The following AMN1 variants were observed in gnomAD, a reference collection of about 807,000 sequenced individuals.
AMN1 encodes the protein antagonist of mitotic exit network 1 homolog, also known as protein AMN1 homolog.
In AMN1, 20 loss-of-function variants were observed where a neutral mutation model predicts 33.0. That is an observed-to-expected ratio of 0.61 (90% confidence interval 0.43 to 0.88). AMN1 has a LOEUF of 0.88. Among genes scored for constraint, AMN1 ranks in the 40% least tolerant of loss-of-function variants. The pLI, the probability that AMN1 is intolerant of heterozygous loss-of-function variation, is 0.00. For missense variants in AMN1, 246 were observed against 307.4 expected, an observed-to-expected ratio of 0.80 and a Z score of 1.49; for synonymous variants, 114 against 111.9, an observed-to-expected ratio of 1.02 and a Z score of -0.12.
rs374703233 is a variant in AMN1 at position 31,716,079 on chromosome 12, TTC to T, written c.39-6656_39-6655del. 4.9e-4 allele frequency among the ~76,000 whole-genome samples: 74 copies of T among 152,368 alleles called. 1 individual carries two copies. In the East Asian group the frequency reaches 0.013, roughly 27 times the overall value. ...TTCATGTTTTTCACTTTAGAGACTA[TTC>T]TGTTTGATTTCAGTATTGCTCCATC... is the stretch of plus-strand genomic sequence containing the variant. On this transcript the variant is annotated intron_variant, in intron 1 of 6. Transcript: ENST00000281471.
At chr12:31,684,765 C>G (rs1365629445) in intron 6 of AMN1, among the ~76,000 whole-genome samples, 1 of 152,114 alleles carries the variant, frequency 6.6e-6, no homozygotes, top group African/African-American at 2.4e-5. Flanking sequence ...GCCACCGCGC[C>G]CGGCCTGGGA....
intron 3 of AMN1, among the ~76,000 whole-genome samples, chr12:31,698,443 T>C (rs962534262): frequency 1.3e-5 from 2 of 152,208 alleles, no homozygotes; most frequent in Admixed American, 1.3e-4. Context: ...ACTTTGACTC[T>C]GTTCTCAAAA....
intron 2 of AMN1, among the ~76,000 whole-genome samples, chr12:31,706,893 A>G (rs1031316528): frequency 2.0e-5 from 3 of 152,220 alleles, no homozygotes; most frequent in Admixed American, 2.0e-4. Context: ...CCACTATTTC[A>G]AAAGAAAAAC....
At chr12:31,698,063 C>T in intron 3 of AMN1, 106 bp from the exon 4 acceptor site, 1 of 1,039,014 alleles carries the variant, frequency 9.6e-7, no homozygotes, top group South Asian at 1.4e-5. Flanking sequence ...AGTGTTAGCC[C>T]TTTTCAAAGT....
chr12:31,706,311 CAAAAAAAA>C (rs3032986), intron 2 of AMN1, among the ~76,000 whole-genome samples: 1,084 of 65,994 alleles, frequency 0.016, 18 homozygotes, highest in African/African-American at 0.058. Flanking sequence ...GACTCCGTCT[CAAAAAAAA>C]AAAAAAAAAA....
intron 6 of AMN1, among the ~76,000 whole-genome samples, chr12:31,676,204 A>T (rs1237154218): frequency 3.3e-5 from 5 of 151,786 alleles, no homozygotes; most frequent in Admixed American, 3.3e-4. Context: ...TAAATAAAGA[A>T]ATCCAAACCA....
chr12:31,688,181 C>G (rs11051534), intron 6 of AMN1, among the ~76,000 whole-genome samples: 2 of 152,086 alleles, frequency 1.3e-5, no homozygotes, highest in Non-Finnish European at 2.9e-5. Flanking sequence ...CTCGAACTCC[C>G]AACCTCAGGT....
chr12:31,680,443 C>T (rs879331185), intron 6 of AMN1, among the ~76,000 whole-genome samples: 1 of 152,124 alleles, frequency 6.6e-6, no homozygotes, highest in African/African-American at 2.4e-5. Flanking sequence ...TCAGGTGATC[C>T]GCCTGCCTCG....
intron 1 of AMN1, among the ~76,000 whole-genome samples, chr12:31,718,709 C>T (rs996567879): frequency 1.3e-5 from 2 of 152,202 alleles, no homozygotes; most frequent in African/African-American, 4.8e-5. Context: ...GAGGTCCACT[C>T]CAGACCCTGT....
chr12:31,697,994 T>C, intron 3 of AMN1, 37 bp from the exon 4 acceptor site: 2 of 1,573,698 alleles, frequency 1.3e-6, no homozygotes, highest in African/African-American at 1.3e-5. Flanking sequence ...ATGAGCTATA[T>C]GTGTGTATAT....
rs140744773 is a variant in AMN1 at position 31,711,163 on chromosome 12, C to T, written c.39-1738G>A. 2.5e-3 allele frequency among the ~76,000 whole-genome samples: 381 copies of T among 152,114 alleles called. 2 individuals carry two copies. The highest frequency in any genetic ancestry group is 0.017 in the Middle Eastern group (5 of 294). On this transcript the variant is annotated intron_variant, in intron 1 of 6. Transcript: ENST00000281471. Reference sequence around the variant, plus strand: ...ACTTGGGATTACAGGCATGAGCCACCGCACCCAGCCCTATTTATTTATTTT... The same window carrying T: ...ACTTGGGATTACAGGCATGAGCCACTGCACCCAGCCCTATTTATTTATTTT...
intron 3 of AMN1, among the ~76,000 whole-genome samples, chr12:31,699,523 G>C (rs535675724): frequency 6.6e-6 from 1 of 152,048 alleles, no homozygotes; most frequent in Non-Finnish European, 1.5e-5. Context: ...TCCACATGCT[G>C]GGAGGGCAGT....
In AMN1 at chr12:31,687,482, A is replaced by AGCCTG. The variant is rs2139669872; in HGVS notation, c.703+1520_703+1524dup. On this transcript the variant is annotated intron_variant, in intron 6 of 6. Coordinates refer to ENST00000281471, the MANE Select transcript of AMN1 (RefSeq NM_001113402.2). The surrounding 1 kb of genome is among the most constrained non-coding windows in gnomAD (Gnocchi z 4.1). ...GGGGTGGGTGGATCATGAGGTCAGG[A>AGCCTG]GCCTGGCCTGACCAGTATGGTGATA... Among the ~76,000 whole-genome samples, 2 of 152,156 alleles carry AGCCTG rather than the reference A, an allele frequency of 1.3e-5. No homozygotes were observed. The highest frequency in any genetic ancestry group is 2.9e-5 in the Non-Finnish European group (2 of 67,984).
intron 1 of AMN1, among the ~76,000 whole-genome samples, chr12:31,716,174 ATAGAT>A (rs1381006679): frequency 2.0e-5 from 3 of 152,208 alleles, no homozygotes; most frequent in Non-Finnish European, 2.9e-5. Context: ...ACATGTAGCT[ATAGAT>A]TATTCATTTC....
chr12:31,685,661 C>A (rs890651269), intron 6 of AMN1, among the ~76,000 whole-genome samples: 1 of 151,860 alleles, frequency 6.6e-6, no homozygotes, highest in Admixed American at 6.6e-5. Context: ...ATTAGCCAGA[C>A]CTGGTGGCGG....
At chr12:31,714,315 C>T (rs1392406891) in intron 1 of AMN1, 1 of 152,090 alleles carries the variant, frequency 6.6e-6, no homozygotes, top group Non-Finnish European at 1.5e-5. Flanking sequence ...TGCCTTTAAT[C>T]TGCCTTTAAA....
intron 2 of AMN1, among the ~76,000 whole-genome samples, chr12:31,702,983 C>T (rs1177396080): frequency 2.0e-5 from 3 of 152,190 alleles, no homozygotes; most frequent in East Asian, 1.9e-4. Flanking sequence ...GTGATCTGCC[C>T]GCCTTGGCCT....
intron 5 of AMN1, among the ~76,000 whole-genome samples, chr12:31,689,355 GCC>G (rs1164954191): frequency 6.6e-6 from 1 of 152,260 alleles, no homozygotes; most frequent in African/African-American, 2.4e-5. Flanking sequence ...AGATGAGTAT[GCC>G]CCAGAACTCA....
intron 6 of AMN1, among the ~76,000 whole-genome samples, chr12:31,682,831 C>T (rs1038671129): frequency 2.0e-5 from 3 of 152,142 alleles, no homozygotes; most frequent in Admixed American, 6.6e-5. Context: ...CAGCATTTAC[C>T]AACTGTGATC....
Sources: gnomAD v4.1 joint callset for allele counts (sites outside exome capture counted in the v4.1 genomes callset) on GRCh38, gnomAD v4.1.1 for gene constraint, Gnocchi (gnomAD v3.1) non-coding constraint, MANE v1.5 for transcripts, NCBI Gene and HGNC (gene_info 2026-07-23, HGNC 2026-07-21) for gene names.